The following YJU2B variants were observed in gnomAD, a reference collection of about 807,000 sequenced individuals.
The protein encoded by YJU2B is YJU2 splicing factor homolog B.
Under a neutral mutation model 38.0 loss-of-function variants are expected in YJU2B, and 18 were observed. That is an observed-to-expected ratio of 0.47 (90% CI 0.33 to 0.70). YJU2B has a LOEUF of 0.70. Among genes scored for constraint, YJU2B ranks in the 30% least tolerant of loss-of-function variants. YJU2B has a pLI of 0.02. For missense variants in YJU2B, 538 were observed against 556.3 expected (o/e 0.97, Z 0.33); for synonymous variants, 246 against 225.4 (o/e 1.09, Z -0.82).
intron 2 of YJU2B, among the ~76,000 whole-genome samples, chr19:13,737,037 A>AAAAG (rs1228613735): frequency 5.3e-5 from 8 of 151,062 alleles, no homozygotes; most frequent in African/African-American, 7.3e-5. Context: ...AAAAAAAAAA[A>AAAAG]AAAAAGAAAA....
chr19:13,757,766 C>G lies in YJU2B; in HGVS notation c.197-20C>G. 1.2e-6 allele frequency: 2 copies of G among 1,613,488 alleles called. No homozygotes were observed. The highest frequency in any genetic ancestry group is 1.7e-6 in the Non-Finnish European group (2 of 1,179,494). Reference sequence around the variant, plus strand: ...TTCAGATGGCAATGAAATTACCACCCCCGCCTGACCCCCTTCCAGGTGTTC... The same window carrying G: ...TTCAGATGGCAATGAAATTACCACCGCCGCCTGACCCCCTTCCAGGTGTTC... On this transcript the variant is annotated intron_variant, in intron 5 of 9. Coordinates refer to ENST00000221554, the MANE Select transcript of YJU2B (RefSeq NM_030818.4).
chr19:13,753,715 A>T (rs942862674), intron 2 of YJU2B, among the ~76,000 whole-genome samples: 2 of 152,098 alleles, frequency 1.3e-5, no homozygotes, highest in Non-Finnish European at 2.9e-5. Context: ...AAGCAAACAC[A>T]TCCTTCTTCA....
intron 2 of YJU2B, among the ~76,000 whole-genome samples, chr19:13,736,778 T>C (rs1261946049): frequency 4.6e-5 from 7 of 151,704 alleles, no homozygotes; most frequent in Non-Finnish European, 7.4e-5. Context: ...ACGCCTGTCG[T>C]CCCAGCACTT....
At chr19:13,751,961 T>C in intron 2 of YJU2B, 150 bp downstream of exon 2, 1 of 723,494 alleles carries the variant, frequency 1.4e-6, no homozygotes, top group Non-Finnish European at 2.4e-6. Flanking sequence ...AATGTGGCTT[T>C]GCGCTAACAT....
In YJU2B at chr19:13,762,880, G is replaced by A. The variant is rs537185931; in HGVS notation, c.1003G>A (p.Asp335Asn). The change falls in exon 10 of 10, where the codon GAC becomes AAC. Residue 335 changes from aspartate (D) to asparagine (N), a missense_variant. This residue lies in a region of YJU2B where 488 missense variants were observed against 469.5 expected (regional missense o/e 1.04). Coordinates refer to ENST00000221554, the MANE Select transcript of YJU2B (RefSeq NM_030818.4). ...CCAGGACCGGCCCATGTCCCCCGGA[G>A]ACTGTCCTCCGGAAACAACTGAGAC... is the stretch of plus-strand genomic sequence containing the variant. ...AAQDRPMSPG[D>N]CPPETTETPK... 6.2e-7 allele frequency: 1 copy of A among 1,610,988 alleles called. No individual in the cohort carries two copies. Among genetic ancestry groups the A allele is most frequent in the South Asian group, 1.1e-5 (1 of 90,790 alleles).
chr19:13,763,057 G>C lies in YJU2B; in HGVS notation c.1180G>C (p.Glu394Gln). The change falls in exon 10 of 10, where the codon GAG becomes CAG. Residue 394 changes from glutamate (E) to glutamine (Q), a missense_variant. Physicochemically the swap from Glu to Gln is conservative, Grantham distance 29 (BLOSUM62 2). This residue lies in a region of YJU2B where 488 missense variants were observed against 469.5 expected (regional missense o/e 1.04). Transcript: ENST00000221554. The stretch of plus-strand genomic sequence containing the variant: ...CCTCGTGGCGGACTACTCCGACTCG[G>C]AGAGTGAGTGAGCGATCCCCATCCT... The part of the protein sequence containing the change: ...SSLVADYSDS[E>Q]SE 2 of 1,550,310 alleles carry C rather than the reference G, an allele frequency of 1.3e-6. No homozygotes were observed. Among genetic ancestry groups the C allele is most frequent in the Non-Finnish European group, 1.7e-6 (2 of 1,147,942 alleles).
rs1292845122 is a variant in YJU2B, at chr19:13,762,748, G to A, written c.871G>A (p.Gly291Arg). Residue 291 changes from glycine to arginine, a missense_variant, in exon 10 of 10, where the codon GGG (glycine) becomes AGG (arginine). By Grantham distance (125) the Gly-to-Arg change is moderately radical. This residue lies in a region of YJU2B where 488 missense variants were observed against 469.5 expected (regional missense o/e 1.04). Coordinates refer to ENST00000221554, the MANE Select transcript of YJU2B (RefSeq NM_030818.4). ...GCTTGCCACCTCCCCCATCACCGTCGGGGACCTGGGCATCGTGCGGCGGAG... is the reference window on the plus strand; with the variant it reads ...GCTTGCCACCTCCCCCATCACCGTCAGGGACCTGGGCATCGTGCGGCGGAG... ...TALATSPITV[G>R]DLGIVRRRSR... 6.2e-7 allele frequency: 1 copy of A among 1,608,376 alleles called. No homozygotes were observed. The highest frequency in any genetic ancestry group is 1.3e-5 in the African/African-American group (1 of 74,970).
At chr19:13,757,342 G>T in intron 4 of YJU2B, 76 bp from the exon 5 acceptor site, 1 of 1,272,522 alleles carries the variant, frequency 7.9e-7, no homozygotes, top group South Asian at 1.2e-5. Context: ...CACAACCGCG[G>T]CCAGAGTCGC....
chr19:13,741,034 T>G (rs1165118982), intron 2 of YJU2B, among the ~76,000 whole-genome samples: 2 of 152,350 alleles, frequency 1.3e-5, no homozygotes, highest in Non-Finnish European at 1.5e-5. Context: ...TGGGGTAATT[T>G]GTTACGCAAC....
chr19:13,738,539 A>C (rs1485235804), intron 2 of YJU2B, among the ~76,000 whole-genome samples: 3 of 152,154 alleles, frequency 2.0e-5, no homozygotes, highest in African/African-American at 7.2e-5. Flanking sequence ...CGGGCGGATC[A>C]CTTGAGATCA....
chr19:13,742,009 C>A (rs1224040482), intron 2 of YJU2B, among the ~76,000 whole-genome samples: 2 of 152,220 alleles, frequency 1.3e-5, no homozygotes, highest in Non-Finnish European at 2.9e-5. Context: ...CATGTCCAAA[C>A]AGACTTCATC....
intron 2 of YJU2B, among the ~76,000 whole-genome samples, chr19:13,735,914 T>C (rs1189745247): frequency 6.6e-6 from 1 of 151,766 alleles, no homozygotes; most frequent in Non-Finnish European, 1.5e-5. Context: ...TAGCCGGGCG[T>C]GGTGGGGGGC....
chr19:13,740,519 CGTTTTTTG>C (rs1199433319), intron 2 of YJU2B, among the ~76,000 whole-genome samples: 1 of 151,486 alleles, frequency 6.6e-6, no homozygotes, highest in Non-Finnish European at 1.5e-5. Context: ...GCCAGTTAGA[CGTTTTTTG>C]TTTTTTTGTT....
chr19:13,753,601 C>T (rs919489073), intron 2 of YJU2B, among the ~76,000 whole-genome samples: 6 of 123,658 alleles, frequency 4.9e-5, no homozygotes, highest in African/African-American at 1.9e-4. Context: ...AAAAAAAAGA[C>T]ATACTCAAGC....
At chr19:13,736,741 CAG>C (rs1972957871) in intron 2 of YJU2B, among the ~76,000 whole-genome samples, 2 of 151,904 alleles carry the variant, frequency 1.3e-5, no homozygotes, top group South Asian at 2.1e-4. Context: ...TTTTAAGAGA[CAG>C]GGTCTCGGCC....
rs888166334 is a variant in YJU2B at position 13,740,531 on chromosome 19, TTTTG to T, written c.-202+8262_-202+8265del. Among the ~76,000 whole-genome samples the T allele has an allele frequency of 4.6e-5, 7 of 151,886 alleles. No individual in the cohort carries two copies. The East Asian group carries it at 5.8e-4, about 13-fold the overall frequency. ...CCAGCCAGTTAGACGTTTTTTGTTT[TTTTG>T]TTTGTTTGTTTGTTTTTTATGTGAT... is the stretch of plus-strand genomic sequence containing the variant. On this transcript the variant is annotated intron_variant, in intron 2 of 10. Coordinates refer to the YJU2B transcript ENST00000586600.
rs73922734 is a variant in YJU2B, at chr19:13,762,518, C to G, written c.713-72C>G. On this transcript the variant is annotated intron_variant, in intron 9 of 9. Transcript: ENST00000221554. ...TGGGGGGTCCTCAGCCATGAGTGGA[C>G]TCTGGTCTACCAGAGGGCAGTTCTG... 18,179 of 1,567,918 alleles carry G rather than the reference C, an allele frequency of 0.012. 1,833 individuals carry two copies. In the African/African-American group the frequency reaches 0.22, roughly 19 times the overall value.
chr19:13,737,489 A>T (rs1487474249), intron 2 of YJU2B, among the ~76,000 whole-genome samples: 2 of 151,174 alleles, frequency 1.3e-5, no homozygotes, highest in African/African-American at 4.9e-5. Context: ...TGCAGAGTAC[A>T]TAGAAAAGCA....
At chr19:13,744,142 G>C (rs549541563), upstream of YJU2B, among the ~76,000 whole-genome samples, 1 of 151,934 alleles carries the variant, frequency 6.6e-6, no homozygotes, top group South Asian at 2.1e-4. Flanking sequence ...AGTGAGCCGA[G>C]ATCACGCCAC....
Sources: allele counts gnomAD v4.1 joint callset (sites outside exome capture counted in the v4.1 genomes callset), GRCh38; gene constraint gnomAD v4.1.1; regional missense constraint gnomAD v4.1.1; transcripts MANE v1.5; gene names NCBI Gene and HGNC (gene_info 2026-07-23, HGNC 2026-07-21).